The following NEXMIF variants were observed in gnomAD, a reference collection of about 807,000 sequenced individuals.
NEXMIF encodes the protein XLMR protein related to neurite extension.
In NEXMIF, 8 loss-of-function variants were observed where a neutral mutation model predicts 62.1. The observed-to-expected ratio is 0.13, with a 90% CI of 0.08 to 0.23. The LOEUF is 0.23. NEXMIF is among the 10% of genes least tolerant of loss of function. NEXMIF has a pLI of 1.00. For missense variants in NEXMIF, 976 were observed against 1,113.3 expected (o/e 0.88, Z 1.75); for synonymous variants, 404 against 416.6 (o/e 0.97, Z 0.37).
chrX:74,881,386 A>C (rs868396597), intron 1 of NEXMIF, among the ~76,000 whole-genome samples: 6 of 53,185 alleles, frequency 1.1e-4, no homozygotes, highest in Non-Finnish European at 1.7e-4. Flanking sequence ...ACACACACAT[A>C]CACATGCACA....
At chrX:74,849,298 C>T (rs1445756889) in intron 1 of NEXMIF, among the ~76,000 whole-genome samples, 1 of 112,664 alleles carries the variant, frequency 8.9e-6, no homozygotes, top group Non-Finnish European at 1.9e-5. Context: ...AAGAAAGGCA[C>T]TCTGCTCAGC....
intron 1 of NEXMIF, among the ~76,000 whole-genome samples, chrX:74,750,979 G>A (rs1218885831): frequency 9.0e-6 from 1 of 111,562 alleles, no homozygotes; most frequent in Non-Finnish European, 1.9e-5. Flanking sequence ...TGTAATCCTA[G>A]CACTTTGGGA....
intron 1 of NEXMIF, among the ~76,000 whole-genome samples, chrX:74,918,838 A>C (rs1386819585): frequency 8.9e-6 from 1 of 112,321 alleles, no homozygotes; most frequent in Non-Finnish European, 1.9e-5. Flanking sequence ...TGTGGGCCAT[A>C]GTTTCTTTTA....
intron 1 of NEXMIF, among the ~76,000 whole-genome samples, chrX:74,832,453 T>A (rs2080441129): frequency 9.0e-6 from 1 of 111,646 alleles, no homozygotes; most frequent in African/African-American, 3.3e-5. Flanking sequence ...TATGTCTCCA[T>A]TTTCATCTCT....
At chrX:74,762,582 G>T (rs1409724981) in intron 1 of NEXMIF, among the ~76,000 whole-genome samples, 6 of 111,472 alleles carry the variant, frequency 5.4e-5, no homozygotes, top group Non-Finnish European at 9.4e-5. Flanking sequence ...TCCCACCAAC[G>T]GTGTAAAAGC....
intron 1 of NEXMIF, among the ~76,000 whole-genome samples, chrX:74,832,205 T>A (rs1210647026): frequency 8.9e-6 from 1 of 111,899 alleles, no homozygotes; most frequent in Non-Finnish European, 1.9e-5. Context: ...ATACTTGGAA[T>A]AATTCCCCAG....
intron 1 of NEXMIF, among the ~76,000 whole-genome samples, chrX:74,796,189 ATT>A (rs1491558693): frequency 1.5e-5 from 1 of 66,224 alleles, no homozygotes; most frequent in Non-Finnish European, 2.7e-5. Flanking sequence ...ATACATATAT[ATT>A]ATATATATAC....
chrX:74,838,206 A>G (rs1158685718), intron 1 of NEXMIF, among the ~76,000 whole-genome samples: 2 of 111,642 alleles, frequency 1.8e-5, no homozygotes, highest in African/African-American at 6.5e-5. Context: ...GTGTATGTAC[A>G]ATGTGCTAAG....
At chrX:74,878,174 A>G (rs2080645733) in intron 1 of NEXMIF, among the ~76,000 whole-genome samples, 1 of 111,041 alleles carries the variant, frequency 9.0e-6, no homozygotes, top group Non-Finnish European at 1.9e-5. Context: ...TTTGGTGTGG[A>G]TGTCCTTTCT....
chrX:74,831,642 C>T (rs6647543), intron 1 of NEXMIF, among the ~76,000 whole-genome samples: 14,824 of 109,944 alleles, frequency 0.13, 1,633 homozygotes, highest in East Asian at 0.91. Flanking sequence ...TGAATAGTGC[C>T]GCAATAAACA....
intron 1 of NEXMIF, among the ~76,000 whole-genome samples, chrX:74,886,925 C>T (rs1255790116): frequency 2.7e-5 from 3 of 109,693 alleles, no homozygotes; most frequent in Non-Finnish European, 3.8e-5. Flanking sequence ...GTAACCAAAA[C>T]AGCATGGTAC....
intron 1 of NEXMIF, among the ~76,000 whole-genome samples, chrX:74,882,453 C>G (rs897631641): frequency 1.1e-4 from 12 of 112,263 alleles, no homozygotes; most frequent in African/African-American, 3.9e-4. Flanking sequence ...CACCCTAATA[C>G]TGTGCTTTTC....
rs548016894 is a variant in NEXMIF, at chrX:74,892,894, G to T, written c.-48+31989C>A. ...TTTCTACGAATTAGAGTATTTTTGA[G>T]GCATCAGACTAGTCTGTCTACCAGA... On this transcript the variant is annotated intron_variant, in intron 1 of 3. Transcript: ENST00000055682. Among the ~76,000 whole-genome samples the T allele has an allele frequency of 4.5e-5, 5 of 112,016 alleles. No individual in the cohort carries two copies. The South Asian group carries it at 1.9e-3, about 42-fold the overall frequency.
intron 1 of NEXMIF, among the ~76,000 whole-genome samples, chrX:74,870,912 G>A (rs2080598142): frequency 8.9e-6 from 1 of 111,755 alleles, no homozygotes; most frequent in Non-Finnish European, 1.9e-5. Context: ...AGTTTGTAGG[G>A]TCCTCAAAAA....
At chrX:74,749,752 C>G (rs1367109864) in intron 1 of NEXMIF, among the ~76,000 whole-genome samples, 1 of 111,214 alleles carries the variant, frequency 9.0e-6, no homozygotes, top group Non-Finnish European at 1.9e-5. Context: ...TTTTTATCTC[C>G]TCTGTGTTTA....
At position 74,914,745 on chromosome X, in the gene NEXMIF, T is replaced by C. The variant is rs773160043; in HGVS notation, c.-48+10138A>G. Among the ~76,000 whole-genome samples, 3 of 112,078 alleles carry C rather than the reference T, an allele frequency of 2.7e-5. No homozygotes were observed. In the South Asian group the frequency reaches 1.1e-3, roughly 42 times the overall value. ...AAAAGCACCTGTATGCTAATGTTCATAGCAGTTTTATTTGTAATAACCAAA... is the reference window on the plus strand; with the variant it reads ...AAAAGCACCTGTATGCTAATGTTCACAGCAGTTTTATTTGTAATAACCAAA... On this transcript the variant is annotated intron_variant, in intron 1 of 3. Transcript: ENST00000055682.
intron 1 of NEXMIF, among the ~76,000 whole-genome samples, chrX:74,903,543 G>A (rs2080756277): frequency 9.0e-6 from 1 of 111,646 alleles, no homozygotes; most frequent in Non-Finnish European, 1.9e-5. Context: ...AATGCAAAGA[G>A]AATCAAAGGT....
intron 1 of NEXMIF, among the ~76,000 whole-genome samples, chrX:74,911,875 A>G (rs1398245428): frequency 1.8e-5 from 2 of 112,328 alleles, no homozygotes; most frequent in Admixed American, 9.4e-5. Context: ...CAAACAATAC[A>G]TATTCAATAG....
intron 1 of NEXMIF, among the ~76,000 whole-genome samples, chrX:74,819,885 C>A (rs752315639): frequency 8.9e-6 from 1 of 111,776 alleles, no homozygotes; most frequent in Non-Finnish European, 1.9e-5. Flanking sequence ...GACACATGCA[C>A]ACATATGTTT....
Sources: allele counts gnomAD v4.1 joint callset (sites outside exome capture counted in the v4.1 genomes callset), GRCh38; gene constraint gnomAD v4.1.1; transcripts MANE v1.5; gene names NCBI Gene and HGNC (gene_info 2026-07-23, HGNC 2026-07-21).